CSMD3: variants seen among roughly 807,000 people sequenced by gnomAD.
CSMD3 encodes CUB and sushi domain-containing protein 3.
Under a neutral mutation model 435.2 loss-of-function variants are expected in CSMD3, and 177 were observed. The ratio of observed to expected loss-of-function variants is 0.41; its 90% CI spans 0.36 to 0.46. The LOEUF (loss-of-function observed/expected upper bound fraction) is 0.46, where lower values mean the gene tolerates loss of function less well. Among genes scored for constraint, CSMD3 ranks in the 20% least tolerant of loss-of-function variants. The pLI, the probability that CSMD3 is intolerant of heterozygous loss-of-function variation, is 0.34. For synonymous variants in CSMD3, 1,656 were observed against 1,520.5 expected, an observed-to-expected ratio of 1.09 and a Z score of -2.07; for missense variants, 4,265 against 4,504.6, an observed-to-expected ratio of 0.95 and a Z score of 1.52.
At chr8:113,136,484 T>C (rs2091421998) in intron 4 of CSMD3, among the ~76,000 whole-genome samples, 1 of 151,440 alleles carries the variant, frequency 6.6e-6, no homozygotes, top group African/African-American at 2.4e-5. Context: ...GATGAAGAGG[T>C]AGACAAAGGC....
At chr8:113,066,761 CA>C (rs1234963324) in intron 5 of CSMD3, among the ~76,000 whole-genome samples, 1 of 151,766 alleles carries the variant, frequency 6.6e-6, no homozygotes, top group Admixed American at 6.6e-5. Flanking sequence ...GATCTGTTAG[CA>C]AAAGTTCTCT....
At chr8:112,740,531 C>T (rs1281405269) in intron 13 of CSMD3, among the ~76,000 whole-genome samples, 2 of 151,738 alleles carry the variant, frequency 1.3e-5, no homozygotes, top group African/African-American at 4.8e-5. Flanking sequence ...AACAAAAACA[C>T]TTAGTAACAT....
intron 5 of CSMD3, among the ~76,000 whole-genome samples, chr8:113,059,510 A>G (rs1304724445): frequency 6.6e-6 from 1 of 152,144 alleles, no homozygotes; most frequent in African/African-American, 2.4e-5. Flanking sequence ...ATCAGATACA[A>G]ATTTTCCATG....
intron 5 of CSMD3, among the ~76,000 whole-genome samples, chr8:113,039,828 A>G (rs1487011383): frequency 6.6e-6 from 1 of 152,188 alleles, no homozygotes; most frequent in Non-Finnish European, 1.5e-5. Flanking sequence ...CATCAAATAC[A>G]ATATTATAGT....
chr8:112,633,800 A>G (rs1347200807), intron 22 of CSMD3, among the ~76,000 whole-genome samples: 4 of 152,028 alleles, frequency 2.6e-5, no homozygotes, highest in Admixed American at 2.6e-4. Context: ...ACTATCCAGA[A>G]TCAGATGCCT....
chr8:113,060,058 A>T (rs1241347177), intron 5 of CSMD3, among the ~76,000 whole-genome samples: 2 of 145,392 alleles, frequency 1.4e-5, no homozygotes, highest in East Asian at 2.0e-4. Flanking sequence ...TTAGTTACAT[A>T]TGTATACATG....
rs2132391099 is a variant in CSMD3 at position 113,266,870 on chromosome 8, C to A, written c.514+11722G>T. Among the ~76,000 whole-genome samples, 4 of 151,484 alleles carry A rather than the reference C, an allele frequency of 2.6e-5. No homozygotes were observed. The South Asian group carries it at 8.3e-4, about 31-fold the overall frequency. On this transcript the variant is annotated intron_variant, in intron 3 of 70. Transcript: ENST00000297405. ...TTCATCCAACAGTGAACTAATATGT[C>A]CAGAATACAAAACGAACTCAAACAA...
intron 3 of CSMD3, among the ~76,000 whole-genome samples, chr8:113,210,659 C>T (rs1000424550): frequency 2.0e-5 from 3 of 151,980 alleles, no homozygotes; most frequent in Admixed American, 6.6e-5. Flanking sequence ...GGGCCGGTCA[C>T]CTGAGGTCAG....
At position 113,270,657 on chromosome 8, in the gene CSMD3, G is replaced by A. The variant is rs1210587973; in HGVS notation, c.514+7935C>T. Among the ~76,000 whole-genome samples, 6 of 152,182 alleles carry A rather than the reference G, an allele frequency of 3.9e-5. No homozygotes were observed. The South Asian group carries it at 1.0e-3, about 26-fold the overall frequency. On this transcript the variant is annotated intron_variant, in intron 3 of 70. Transcript: ENST00000297405. ...ATACTATGCAGCCATAAAAAAGGAT[G>A]AGTTCATGTCCTTTGTAGGGACATG...
intron 10 of CSMD3, among the ~76,000 whole-genome samples, chr8:112,866,760 A>T (rs1051415547): frequency 3.9e-5 from 6 of 152,206 alleles, no homozygotes; most frequent in Non-Finnish European, 8.8e-5. Context: ...TATTGACAAC[A>T]GCATAAACTA....
chr8:112,392,864 C>CTTT (rs56809581), intron 35 of CSMD3, among the ~76,000 whole-genome samples: 85 of 122,164 alleles, frequency 7.0e-4, no homozygotes, highest in African/African-American at 1.8e-3. Flanking sequence ...TCTTTTTTTT[C>CTTT]TTTTTTTTTT....
At chr8:112,588,026 A>G (rs935947778) in intron 22 of CSMD3, among the ~76,000 whole-genome samples, 2 of 151,910 alleles carry the variant, frequency 1.3e-5, no homozygotes, top group African/African-American at 4.8e-5. Flanking sequence ...GCTTGTGGCA[A>G]TATTGCAAAA....
chr8:112,733,277 T>C (rs1032069841), intron 13 of CSMD3, among the ~76,000 whole-genome samples: 4 of 152,084 alleles, frequency 2.6e-5, no homozygotes, highest in African/African-American at 9.7e-5. Context: ...AGCATCATAT[T>C]GACACATACT....
intron 4 of CSMD3, among the ~76,000 whole-genome samples, chr8:113,133,883 C>T (rs1402913084): frequency 1.3e-5 from 2 of 151,840 alleles, no homozygotes; most frequent in Non-Finnish European, 2.9e-5. Context: ...ATGGTGATTA[C>T]CAGGGGTTAT....
intron 10 of CSMD3, among the ~76,000 whole-genome samples, chr8:112,887,320 T>C (rs2081632889): frequency 6.6e-6 from 1 of 151,024 alleles, no homozygotes; most frequent in Non-Finnish European, 1.5e-5. Context: ...TTATCTTGTA[T>C]GCTATAAATA....
chr8:112,360,437 T>C (rs987706595), intron 38 of CSMD3, among the ~76,000 whole-genome samples: 2 of 152,008 alleles, frequency 1.3e-5, no homozygotes, highest in Non-Finnish European at 2.9e-5. Context: ...GAAGGTGTTT[T>C]AACTTTTTAA....
At chr8:112,665,508 C>G (rs1371353069) in intron 17 of CSMD3, among the ~76,000 whole-genome samples, 1 of 152,102 alleles carries the variant, frequency 6.6e-6, no homozygotes, top group Non-Finnish European at 1.5e-5. Flanking sequence ...AAAATTCAAT[C>G]TTCAGTCAAT....
chr8:112,538,673 T>C (rs1586634542), intron 27 of CSMD3, among the ~76,000 whole-genome samples: 1 of 152,074 alleles, frequency 6.6e-6, no homozygotes, highest in Non-Finnish European at 1.5e-5. Flanking sequence ...ATGAAATTTA[T>C]AAAACACTAT....
At chr8:113,288,657 C>A (rs2093663033) in intron 2 of CSMD3, among the ~76,000 whole-genome samples, 1 of 151,640 alleles carries the variant, frequency 6.6e-6, no homozygotes, top group Non-Finnish European at 1.5e-5. Flanking sequence ...TACAGTTTCC[C>A]CACCTTGTAT....
Sources: allele counts gnomAD v4.1 joint callset (sites outside exome capture counted in the v4.1 genomes callset), GRCh38; gene constraint gnomAD v4.1.1; transcripts MANE v1.5; gene names NCBI Gene and HGNC (gene_info 2026-07-23, HGNC 2026-07-21).